Variants in DNAJC8 observed in about 807,000 individuals in gnomAD.
DNAJC8 encodes dnaJ homolog subfamily C member 8.
A neutral mutation model predicts 43.2 loss-of-function variants in DNAJC8; 24 were observed. The ratio of observed to expected loss-of-function variants is 0.56; its 90% CI spans 0.40 to 0.78. The LOEUF is 0.78. Among genes scored for constraint, DNAJC8 ranks in the 30% least tolerant of loss-of-function variants. DNAJC8 has a pLI of 0.00. For synonymous variants in DNAJC8, 83 were observed against 98.0 expected, an observed-to-expected ratio of 0.85 and a Z score of 0.90; for missense variants, 207 against 299.4, an observed-to-expected ratio of 0.69 and a Z score of 2.28.
At position 28,230,871 on chromosome 1, in the gene DNAJC8, G is replaced by C. The variant is rs1646969029; in HGVS notation, c.79-1848C>G. Among the ~76,000 whole-genome samples the C allele has an allele frequency of 2.6e-5, 4 of 152,162 alleles. No individual in the cohort carries two copies. The South Asian group carries it at 6.2e-4, about 24-fold the overall frequency. On this transcript the variant is annotated intron_variant, in intron 1 of 8. Coordinates refer to ENST00000263697, the MANE Select transcript of DNAJC8 (RefSeq NM_014280.3). The stretch of plus-strand genomic sequence containing the variant: ...GTAACAAGTACTGTTACAATTGCAA[G>C]AAATAAAAGATGGATGTGATATGGT...
intron 1 of DNAJC8, among the ~76,000 whole-genome samples, chr1:28,229,747 C>T (rs144252117): frequency 0.023 from 3,389 of 150,354 alleles, 138 homozygotes; most frequent in African/African-American, 0.078. Context: ...GGACTCCAGC[C>T]TGGGAGACAC....
intron 3 of DNAJC8, among the ~76,000 whole-genome samples, chr1:28,214,096 A>C (rs1403949653): frequency 6.6e-6 from 1 of 151,990 alleles, no homozygotes; most frequent in East Asian, 1.9e-4. Context: ...TTTTTTTTTT[A>C]AGTTTACTTT....
chr1:28,218,015 G>T (rs774558358), intron 2 of DNAJC8, among the ~76,000 whole-genome samples: 1 of 151,314 alleles, frequency 6.6e-6, no homozygotes, highest in Non-Finnish European at 1.5e-5. Flanking sequence ...GTTACTTGAC[G>T]TTGTTTTCCT....
intron 4 of DNAJC8, 116 bp from the exon 5 acceptor site, chr1:28,210,182 T>C (rs1252220278): frequency 1.2e-6 from 1 of 851,598 alleles, no homozygotes; most frequent in Non-Finnish European, 1.9e-6. Flanking sequence ...TTTAATTATT[T>C]ACTGTCGTTA....
intron 2 of DNAJC8, among the ~76,000 whole-genome samples, chr1:28,227,496 G>T (rs1263665856): frequency 7.0e-6 from 1 of 143,428 alleles, no homozygotes; most frequent in Non-Finnish European, 1.6e-5. Flanking sequence ...GGAGCCCAAG[G>T]TGGGCAAATC....
At chr1:28,215,051 T>C in intron 2 of DNAJC8, 55 bp from the exon 3 acceptor site, 1 of 1,437,548 alleles carries the variant, frequency 7.0e-7, no homozygotes, top group South Asian at 1.2e-5. Context: ...TACATGTATA[T>C]TTAAGAGTTG....
chr1:28,203,654 C>A, intron 8 of DNAJC8, 93 bp downstream of exon 8: 1 of 1,238,270 alleles, frequency 8.1e-7, no homozygotes, highest in East Asian at 2.3e-5. Flanking sequence ...ATATCCCACT[C>A]CCCTCTGACT....
chr1:28,224,099 T>A (rs1646917393), intron 2 of DNAJC8, among the ~76,000 whole-genome samples: 1 of 152,096 alleles, frequency 6.6e-6, no homozygotes, highest in African/African-American at 2.4e-5. Flanking sequence ...AATCTGAGCA[T>A]CAAAATAAAC....
At position 28,215,013 on chromosome 1, in the gene DNAJC8, C is replaced by G. The variant is rs1166000589; in HGVS notation, c.181-17G>C. ...CTGAAGAACCTGGAAGTATCAAAAT[C>G]AAAACCATAAAAAAGGTGAAAATAA... On this transcript the variant is annotated splice_polypyrimidine_tract_variant and intron_variant, in intron 2 of 8. Transcript: ENST00000263697. 1 of 1,592,708 alleles carries G rather than the reference C, an allele frequency of 6.3e-7. No homozygotes were observed. Among genetic ancestry groups the G allele is most frequent in the South Asian group, 1.1e-5 (1 of 87,290 alleles).
At chr1:28,211,643 C>A (rs1348876451) in intron 3 of DNAJC8, among the ~76,000 whole-genome samples, 1 of 152,164 alleles carries the variant, frequency 6.6e-6, no homozygotes. Context: ...ACCCTCAGAC[C>A]TTCTGAGTTA....
At chr1:28,215,042 A>G (rs969228029) in intron 2 of DNAJC8, 46 bp from the exon 3 acceptor site, 1 of 1,509,480 alleles carries the variant, frequency 6.6e-7, no homozygotes, top group Non-Finnish European at 9.1e-7. Context: ...AAAATAAATT[A>G]CATGTATATT....
intron 5 of DNAJC8, chr1:28,208,687 T>G: frequency 4.1e-6 from 1 of 241,506 alleles, no homozygotes; most frequent in Non-Finnish European, 7.9e-6. Context: ...TGTCCCCAAC[T>G]CATCAGATCC....
chr1:28,211,818 A>T (rs1646812172), intron 3 of DNAJC8, among the ~76,000 whole-genome samples: 1 of 152,054 alleles, frequency 6.6e-6, no homozygotes, highest in Non-Finnish European at 1.5e-5. Context: ...ATCATGGTTT[A>T]TTGCAATTTA....
chr1:28,211,220 T>C (rs1220105934), intron 3 of DNAJC8, among the ~76,000 whole-genome samples: 2 of 152,010 alleles, frequency 1.3e-5, no homozygotes, highest in East Asian at 1.9e-4. Context: ...TATGAAGATG[T>C]TGTAATAATT....
At chr1:28,220,740 A>T (rs1646892953) in intron 2 of DNAJC8, among the ~76,000 whole-genome samples, 1 of 152,224 alleles carries the variant, frequency 6.6e-6, no homozygotes, top group Non-Finnish European at 1.5e-5. Flanking sequence ...GTCCTCACAG[A>T]ATTTAAGAAT....
intron 1 of DNAJC8, among the ~76,000 whole-genome samples, chr1:28,231,229 C>T (rs1021740205): frequency 8.5e-5 from 13 of 152,064 alleles, no homozygotes; most frequent in Non-Finnish European, 1.5e-5. Context: ...AAAAATCAGC[C>T]AGGCATGGTG....
Position 28,232,980 on chromosome 1 carries a change from T to A in DNAJC8, c.19A>T (p.Ser7Cys). ...CTGCCTCCGCCGCCTGAAGTCCCGC[T>A]CTCTCCTGAAGCCGCCATTTCCCCG... MAASGE[S>C]GTSGGGGSTE... is the part of the protein sequence containing the mutation. The change falls in exon 1 of 9, where the codon AGC becomes TGC. Residue 7 changes from serine (S) to cysteine (C), a missense_variant. Physicochemically the swap from Ser to Cys is moderately radical, Grantham distance 112 (BLOSUM62 -1). Around this residue, in one of 2 missense-constraint regions of DNAJC8, gnomAD observed 48 missense variants for 31.9 expected, o/e 1.50. Coordinates refer to ENST00000263697, the MANE Select transcript of DNAJC8 (RefSeq NM_014280.3). 1.2e-6 allele frequency: 2 copies of A among 1,612,542 alleles called. No homozygotes were observed. Among genetic ancestry groups the A allele is most frequent in the Middle Eastern group, 1.6e-4 (1 of 6,062 alleles).
At chr1:28,208,483 T>A in intron 5 of DNAJC8, 70 bp from the exon 6 acceptor site, 1 of 1,079,024 alleles carries the variant, frequency 9.3e-7, no homozygotes, top group Non-Finnish European at 1.3e-6. Flanking sequence ...GCTGTACACA[T>A]ACAATATATT....
At chr1:28,204,370 C>T (rs1234200376) in intron 7 of DNAJC8, among the ~76,000 whole-genome samples, 2 of 151,970 alleles carry the variant, frequency 1.3e-5, no homozygotes, top group African/African-American at 4.8e-5. Context: ...CATGTGAGGT[C>T]AGGAGTTCGA....
Sources: gnomAD v4.1 joint callset for allele counts (sites outside exome capture counted in the v4.1 genomes callset) on GRCh38, gnomAD v4.1.1 for gene constraint, gnomAD v4.1.1 regional missense constraint, MANE v1.5 for transcripts, NCBI Gene and HGNC (gene_info 2026-07-23, HGNC 2026-07-21) for gene names.